RHOF: variants seen among roughly 807,000 people sequenced by gnomAD.
RHOF encodes ras homolog family member F, filopodia associated, also known as rho-related GTP-binding protein RhoF.
RHOF carries 21 observed loss-of-function variants against 22.2 expected under a neutral mutation model. The ratio of observed to expected loss-of-function variants is 0.95; its 90% CI spans 0.67 to 1.36. RHOF has a LOEUF of 1.36. Among genes scored for constraint, RHOF ranks in the 40% most tolerant of loss-of-function variants. The pLI, the probability that RHOF is intolerant of heterozygous loss-of-function variation, is 0.00. For synonymous variants in RHOF, 135 were observed against 131.2 expected, an observed-to-expected ratio of 1.03 and a Z score of -0.20; for missense variants, 285 against 293.7, an observed-to-expected ratio of 0.97 and a Z score of 0.22.
At chr12:121,787,899 AAAAAAAAAAAG>A in intron 2 of RHOF, among the ~76,000 whole-genome samples, 1 of 69,652 alleles carries the variant, frequency 1.4e-5, no homozygotes. Context: ...TCAAAAAAAA[AAAAAAAAAAAG>A]GGGGGGGGGG....
At chr12:121,780,631 G>C (rs1874415576) in intron 4 of RHOF, 1 of 577,918 alleles carries the variant, frequency 1.7e-6, no homozygotes, top group South Asian at 2.3e-5. Context: ...CTGGGCCTCA[G>C]TTTCTCCCCC....
At chr12:121,787,159 G>A (rs557127038) in intron 2 of RHOF, among the ~76,000 whole-genome samples, 34 of 152,326 alleles carry the variant, frequency 2.2e-4, no homozygotes, top group South Asian at 2.1e-4. Context: ...GAACACAGGC[G>A]AGCTCAATAC....
At chr12:121,783,732 T>G (rs1284512740) in intron 2 of RHOF, among the ~76,000 whole-genome samples, 5 of 152,318 alleles carry the variant, frequency 3.3e-5, no homozygotes, top group Middle Eastern at 6.8e-3. Context: ...TCCACTCACC[T>G]CGACCTTCCA....
chr12:121,780,885 A>G lies in RHOF; in HGVS notation c.458T>C (p.Ile153Thr), dbSNP rs1874426351. 1 of 1,613,532 alleles carries G rather than the reference A, an allele frequency of 6.2e-7. No individual in the cohort carries two copies. Among genetic ancestry groups the G allele is most frequent in the African/African-American group, 1.3e-5 (1 of 75,034 alleles). Residue 153 changes from isoleucine (I) to threonine (T), a missense_variant, in exon 4 of 5, where the codon ATC (isoleucine) becomes ACC (threonine). Physicochemically the swap from Ile to Thr is moderately conservative, Grantham distance 89 (BLOSUM62 -1). Coordinates refer to ENST00000267205, the MANE Select transcript of RHOF (RefSeq NM_019034.3). The stretch of plus-strand genomic sequence containing the variant: ...GCCCCGGCCCACCTGCATGTAGGTG[A>G]TGGGCTCCAGCTGGGCGGCCCGGAG... ...RKLRAAQLEPITYMQGLSACE... is the reference protein window; with the variant it reads ...RKLRAAQLEPTTYMQGLSACE...
At position 121,778,590 on chromosome 12, in the gene RHOF, G is replaced by T. The variant is rs1592953846; in HGVS notation, c.*908C>A. The T allele has an allele frequency of 6.6e-6, 1 of 151,762 alleles. No homozygotes were observed. Among genetic ancestry groups the T allele is most frequent in the South Asian group, 2.1e-4 (1 of 4,788 alleles). 9.4% of individuals were successfully genotyped at this position (151,762 alleles called of 1,614,324 possible). A position where few individuals can be genotyped will look rare whatever the true frequency, so the allele number is the denominator to read the frequency against. ...AGAAACTGTCCCGCGTGGACAGGGG[G>T]TAGATCCCATCAGTTCTCAAAGGAG... On this transcript the variant is annotated 3_prime_UTR_variant, in exon 5 of 5. Coordinates refer to ENST00000267205, the MANE Select transcript of RHOF (RefSeq NM_019034.3).
At chr12:121,779,809 TCA>T (rs976279404) in intron 4 of RHOF, 147 bp from the exon 5 acceptor site, 16 of 812,684 alleles carry the variant, frequency 2.0e-5, no homozygotes, top group African/African-American at 1.9e-4. Flanking sequence ...TGGCTGCCCC[TCA>T]CAGTGTGTGG....
At chr12:121,791,871 G>GACCT (rs1874773400) in intron 2 of RHOF, among the ~76,000 whole-genome samples, 1 of 152,224 alleles carries the variant, frequency 6.6e-6, no homozygotes, top group Non-Finnish European at 1.5e-5. Context: ...GTGGGTCAAT[G>GACCT]ACCTTGCCCC....
At chr12:121,792,797 T>G (rs996239580) in intron 2 of RHOF, among the ~76,000 whole-genome samples, 2 of 152,158 alleles carry the variant, frequency 1.3e-5, no homozygotes, top group Non-Finnish European at 2.9e-5. Context: ...AATCTGCAGC[T>G]CACAGAGTCT....
rs543764363 is a variant in RHOF, at chr12:121,785,258, G to A, written c.227-4066C>T. On this transcript the variant is annotated intron_variant, in intron 2 of 4. Coordinates refer to ENST00000267205, the MANE Select transcript of RHOF (RefSeq NM_019034.3). The stretch of plus-strand genomic sequence containing the variant: ...GCAGGACAGCGCACGATCTCATCAC[G>A]CTGCTCAGAGCAGTGCATGATCTAA... Among the ~76,000 whole-genome samples the A allele has an allele frequency of 4.6e-5, 7 of 152,228 alleles. No individual in the cohort carries two copies. In the East Asian group the frequency reaches 1.2e-3, roughly 25 times the overall value.
chr12:121,786,356 A>C (rs950686230), intron 2 of RHOF, among the ~76,000 whole-genome samples: 7 of 152,146 alleles, frequency 4.6e-5, no homozygotes, highest in African/African-American at 1.7e-4. Flanking sequence ...ATGTCAGCCA[A>C]GGTTGTTCCA....
intron 2 of RHOF, among the ~76,000 whole-genome samples, chr12:121,788,525 C>G (rs1874673270): frequency 6.6e-6 from 1 of 152,160 alleles, no homozygotes; most frequent in South Asian, 2.1e-4. Flanking sequence ...GCACCAACCC[C>G]ATGCCCACTT....
chr12:121,786,961 C>A (rs1874624231), intron 2 of RHOF, among the ~76,000 whole-genome samples: 1 of 152,042 alleles, frequency 6.6e-6, no homozygotes, highest in Non-Finnish European at 1.5e-5. Flanking sequence ...TTGCTTGAAC[C>A]CAGGAGGCTG....
At chr12:121,791,312 G>T (rs1874758550) in intron 2 of RHOF, among the ~76,000 whole-genome samples, 1 of 152,198 alleles carries the variant, frequency 6.6e-6, no homozygotes, top group Non-Finnish European at 1.5e-5. Flanking sequence ...TTTTAGTAGA[G>T]ATGGGGTTTC....
chr12:121,790,441 T>C (rs1012506398), intron 2 of RHOF, among the ~76,000 whole-genome samples: 1 of 152,262 alleles, frequency 6.6e-6, no homozygotes, highest in Non-Finnish European at 1.5e-5. Context: ...TTCTGTCCTG[T>C]TCTCCTGAGA....
intron 4 of RHOF, chr12:121,780,405 C>T: frequency 5.0e-6 from 1 of 198,282 alleles, no homozygotes; most frequent in Non-Finnish European, 1.0e-5. Flanking sequence ...TTCTTTTTGC[C>T]TTTGCATTCC....
Position 121,781,164 on chromosome 12 carries a change from G to A in RHOF, c.255C>T (p.Pro85=). 6.2e-7 allele frequency: 1 copy of A among 1,614,206 alleles called. No individual in the cohort carries two copies. Among genetic ancestry groups the A allele is most frequent in the Non-Finnish European group, 8.5e-7 (1 of 1,180,040 alleles). ...CGAGGTGGGTGTTCTGGTAGGACAG[G>A]GGCCGCAGCCGGTCATAGTCTTCTT... The part of the protein sequence containing the change: ...AGQEDYDRLR[P]LSYQNTHLVL... The change falls in exon 3 of 5, where the codon CCC becomes CCT. Residue 85 remains proline (P), a synonymous_variant. Transcript: ENST00000267205.
chr12:121,784,544 CAAA>C (rs1184197669), intron 2 of RHOF, among the ~76,000 whole-genome samples: 1 of 71,568 alleles, frequency 1.4e-5, no homozygotes. Flanking sequence ...GACGTCGTCT[CAAA>C]AAAAAAAAAA....
At chr12:121,781,798 T>G (rs1208890074) in intron 2 of RHOF, 1 of 153,152 alleles carries the variant, frequency 6.5e-6, no homozygotes, top group Non-Finnish European at 1.5e-5. Flanking sequence ...CTGCCTATTC[T>G]TGCAAGCACT....
intron 2 of RHOF, among the ~76,000 whole-genome samples, chr12:121,790,189 G>A (rs1244575712): frequency 6.6e-6 from 1 of 152,236 alleles, no homozygotes; most frequent in African/African-American, 2.4e-5. Flanking sequence ...TGTGGGCAGC[G>A]TCCGGCCCCT....
Sources: gnomAD v4.1 joint callset for allele counts (sites outside exome capture counted in the v4.1 genomes callset) on GRCh38, gnomAD v4.1.1 for gene constraint, MANE v1.5 for transcripts, NCBI Gene and HGNC (gene_info 2026-07-23, HGNC 2026-07-21) for gene names.